The following TRIM9 variants were observed in gnomAD, a reference collection of about 807,000 sequenced individuals.
TRIM9 encodes the protein E3 ubiquitin-protein ligase TRIM9.
TRIM9 carries 26 observed loss-of-function variants against 78.3 expected under a neutral mutation model. That is an observed-to-expected ratio of 0.33 (90% confidence interval 0.24 to 0.46). The LOEUF is 0.46. Ranked by LOEUF, TRIM9 falls within the 20% of genes least tolerant of loss-of-function variation. The pLI is 1.00. For synonymous variants in TRIM9, 398 were observed against 416.5 expected (o/e 0.96, Z 0.54); for missense variants, 787 against 1,036.4 (o/e 0.76, Z 3.30).
At chr14:51,079,307 T>C (rs1423479264) in intron 1 of TRIM9, among the ~76,000 whole-genome samples, 1 of 152,200 alleles carries the variant, frequency 6.6e-6, no homozygotes, top group Non-Finnish European at 1.5e-5. Context: ...AATTGAGTAA[T>C]AATCTCTGAC....
At chr14:51,040,500 A>G (rs939050213) in intron 1 of TRIM9, among the ~76,000 whole-genome samples, 3 of 152,308 alleles carry the variant, frequency 2.0e-5, no homozygotes, top group Middle Eastern at 3.4e-3. Context: ...AGAAGTGGCA[A>G]TTCCTCAGAG....
At chr14:51,010,674 G>A (rs1278333921) in intron 3 of TRIM9, among the ~76,000 whole-genome samples, 180 bp from the exon 4 acceptor site, 3 of 152,128 alleles carry the variant, frequency 2.0e-5, no homozygotes, top group Admixed American at 2.0e-4. Context: ...AGACAGATGG[G>A]ATAAGATTAT....
intron 7 of TRIM9, among the ~76,000 whole-genome samples, chr14:50,987,848 C>G (rs2052925816): frequency 6.6e-6 from 1 of 152,100 alleles, no homozygotes. Flanking sequence ...GTTGCCCAGG[C>G]CAGAATGCAA....
At position 50,981,985 on chromosome 14, in the gene TRIM9, G is replaced by A. The variant is rs950913462; in HGVS notation, c.1977C>T (p.Phe659=). The change falls in exon 11 of 13, where the codon TTC becomes TTT. Residue 659 remains phenylalanine, a synonymous_variant. Transcript: ENST00000684578. ...GCTCCCAGTAGTGGATGCCCTTGGA[G>A]AAGCCAGTCTTCCCTAGCACCACCC... is the stretch of plus-strand genomic sequence containing the variant. The part of the protein sequence containing the change: ...DDRVVLGKTG[F]SKGIHYWELT... 9.3e-6 allele frequency: 15 copies of A among 1,614,086 alleles called. No homozygotes were observed. The highest frequency in any genetic ancestry group is 1.1e-5 in the Non-Finnish European group (13 of 1,180,042).
chr14:51,005,548 T>C (rs779566139), intron 5 of TRIM9, among the ~76,000 whole-genome samples: 15 of 152,080 alleles, frequency 9.9e-5, no homozygotes, highest in Non-Finnish European at 1.9e-4. Flanking sequence ...CTGAAATCTA[T>C]TCTCAACCAA....
intron 1 of TRIM9, among the ~76,000 whole-genome samples, chr14:51,092,000 A>G (rs1396139160): frequency 6.6e-6 from 1 of 152,172 alleles, no homozygotes. Context: ...AAAAAATAAT[A>G]ATGTTGTGGT....
intron 12 of TRIM9, 152 bp downstream of exon 12, chr14:50,979,235 G>T: frequency 4.7e-6 from 7 of 1,500,804 alleles, no homozygotes; most frequent in Non-Finnish European, 5.3e-6. Context: ...TAAGTTGCCA[G>T]TGCTGATCCC....
At chr14:50,993,170 C>A (rs963498472) in intron 7 of TRIM9, among the ~76,000 whole-genome samples, 7 of 152,076 alleles carry the variant, frequency 4.6e-5, no homozygotes, top group Non-Finnish European at 7.4e-5. Flanking sequence ...TCACTGCCAG[C>A]CAAGAGTATC....
intron 1 of TRIM9, among the ~76,000 whole-genome samples, chr14:51,077,737 C>G (rs2062933999): frequency 1.3e-5 from 2 of 152,148 alleles, no homozygotes; most frequent in African/African-American, 4.8e-5. Context: ...AATCAACATT[C>G]CTGGTGGAAA....
intron 1 of TRIM9, among the ~76,000 whole-genome samples, chr14:51,030,407 A>G (rs1018237603): frequency 1.3e-5 from 2 of 152,242 alleles, no homozygotes; most frequent in African/African-American, 4.8e-5. Flanking sequence ...AGTTCACTAT[A>G]GTCAGATGGA....
intron 1 of TRIM9, among the ~76,000 whole-genome samples, chr14:51,088,165 G>A (rs2140355126): frequency 6.6e-6 from 1 of 152,296 alleles, no homozygotes; most frequent in Non-Finnish European, 1.5e-5. Context: ...TGCAGGCATA[G>A]TTTTAGGTAT....
chr14:51,055,193 A>G (rs2060803694), intron 1 of TRIM9, among the ~76,000 whole-genome samples: 1 of 152,266 alleles, frequency 6.6e-6, no homozygotes, highest in African/African-American at 2.4e-5. Context: ...TTAAATCTAA[A>G]AGCCATCAAC....
chr14:50,982,889 T>C, intron 10 of TRIM9, 53 bp downstream of exon 10: 1 of 1,499,212 alleles, frequency 6.7e-7, no homozygotes. Context: ...GTGAGACACC[T>C]CACATGCACT....
At chr14:51,068,146 C>T (rs1345565169) in intron 1 of TRIM9, among the ~76,000 whole-genome samples, 1 of 152,136 alleles carries the variant, frequency 6.6e-6, no homozygotes, top group Non-Finnish European at 1.5e-5. Flanking sequence ...AACAAGTTCC[C>T]AGGTGATGGT....
Position 50,981,907 on chromosome 14 carries a change from G to A in TRIM9, c.2055C>T (p.Arg685=), listed in dbSNP as rs894718594. The part of the protein sequence containing the change: ...NHPDPAFGVA[R]MDVMKDVMLG... The stretch of plus-strand genomic sequence containing the variant: ...ACATCACATCCTTCATCACGTCCAT[G>A]CGAGCCACACCAAAGGCAGGATCAG... The change falls in exon 11 of 13, where the codon CGC becomes CGT. Residue 685 remains arginine, a synonymous_variant. Transcript: ENST00000684578. 1.8e-5 allele frequency: 29 copies of A among 1,613,978 alleles called. No individual in the cohort carries two copies. The highest frequency in any genetic ancestry group is 2.3e-5 in the Non-Finnish European group (27 of 1,180,036).
intron 1 of TRIM9, among the ~76,000 whole-genome samples, chr14:51,054,195 C>T (rs1044936817): frequency 6.6e-6 from 1 of 151,982 alleles, no homozygotes; most frequent in South Asian, 2.1e-4. Context: ...CCCAGCAGCT[C>T]GGACTATAGG....
intron 1 of TRIM9, among the ~76,000 whole-genome samples, chr14:51,025,804 A>G (rs2058174626): frequency 6.6e-6 from 1 of 151,604 alleles, no homozygotes; most frequent in Admixed American, 6.6e-5. Context: ...AGGAAGGGGT[A>G]GGTACTGGTG....
chr14:51,012,902 G>A (rs1398490778), intron 3 of TRIM9, among the ~76,000 whole-genome samples: 2 of 152,126 alleles, frequency 1.3e-5, no homozygotes, highest in Non-Finnish European at 2.9e-5. Flanking sequence ...GGGTGTTTTT[G>A]TTGTTGAGTT....
chr14:51,050,869 C>T (rs1467748450), intron 1 of TRIM9, among the ~76,000 whole-genome samples: 4 of 152,126 alleles, frequency 2.6e-5, no homozygotes, highest in African/African-American at 9.7e-5. Flanking sequence ...GAGTGAGCCA[C>T]CTTAGACAGG....
Sources: allele counts gnomAD v4.1 joint callset (sites outside exome capture counted in the v4.1 genomes callset), GRCh38; gene constraint gnomAD v4.1.1; transcripts MANE v1.5; gene names NCBI Gene and HGNC (gene_info 2026-07-23, HGNC 2026-07-21).